The following MAN1B1 variants were observed in gnomAD, a reference collection of about 807,000 sequenced individuals.
MAN1B1 encodes endoplasmic reticulum mannosyl-oligosaccharide 1,2-alpha-mannosidase.
Under a neutral mutation model 75.5 loss-of-function variants are expected in MAN1B1, and 66 were observed. The observed-to-expected ratio is 0.87, with a 90% CI of 0.72 to 1.07. The LOEUF (loss-of-function observed/expected upper bound fraction) is 1.07, where lower values mean the gene tolerates loss of function less well. MAN1B1 is among the 50% of genes least tolerant of loss of function. The pLI is 0.00. For missense variants in MAN1B1, 973 were observed against 912.5 expected (o/e 1.07, Z -0.85); for synonymous variants, 453 against 382.8 (o/e 1.18, Z -2.14).
intron 6 of MAN1B1, among the ~76,000 whole-genome samples, chr9:137,100,202 G>A (rs535604630): frequency 6.6e-6 from 1 of 152,322 alleles, no homozygotes; most frequent in South Asian, 2.1e-4. Context: ...GGGCCCCGCT[G>A]GTCCCAGATC....
intron 12 of MAN1B1, 173 bp downstream of exon 12, chr9:137,107,835 C>T: frequency 1.2e-6 from 1 of 813,944 alleles, no homozygotes. Context: ...CCTGGCATCC[C>T]CATCCCCACT....
intron 5 of MAN1B1, among the ~76,000 whole-genome samples, chr9:137,099,081 C>T (rs1025166380): frequency 2.0e-5 from 3 of 152,138 alleles, no homozygotes; most frequent in Non-Finnish European, 2.9e-5. Flanking sequence ...CTGCCCACCT[C>T]GGCCTCCCAG....
chr9:137,093,769 G>A (rs1830581297), intron 3 of MAN1B1, among the ~76,000 whole-genome samples: 1 of 151,958 alleles, frequency 6.6e-6, no homozygotes, highest in Admixed American at 6.6e-5. Flanking sequence ...GGGAGGCGGA[G>A]GTTGCAGTGA....
intron 8 of MAN1B1, chr9:137,102,006 C>T (rs1284218943): frequency 2.0e-6 from 1 of 511,274 alleles, no homozygotes; most frequent in Admixed American, 2.3e-5. Flanking sequence ...GGTGGTGTTA[C>T]ACACATTCAT....
At chr9:137,088,234 G>A (rs1214321144) in intron 2 of MAN1B1, 51 bp downstream of exon 2, 2 of 1,613,794 alleles carry the variant, frequency 1.2e-6, no homozygotes, top group African/African-American at 1.3e-5. Context: ...AGGGTTGATT[G>A]GGCAGAAGCA....
intron 3 of MAN1B1, among the ~76,000 whole-genome samples, chr9:137,095,795 C>T (rs1830636680): frequency 6.6e-6 from 1 of 152,168 alleles, no homozygotes; most frequent in African/African-American, 2.4e-5. Flanking sequence ...CCGCATCACA[C>T]AGCAGGGGGC....
At chr9:137,100,675 A>G (rs557076853) in intron 6 of MAN1B1, among the ~76,000 whole-genome samples, 2 of 152,218 alleles carry the variant, frequency 1.3e-5, no homozygotes, top group African/African-American at 4.8e-5. Flanking sequence ...GCTGGAGTGC[A>G]GTGGCACGAT....
intron 3 of MAN1B1, 194 bp downstream of exon 3, chr9:137,089,199 C>A: frequency 1.4e-6 from 1 of 705,556 alleles, no homozygotes; most frequent in Non-Finnish European, 2.4e-6. Flanking sequence ...TGAAGACCAG[C>A]CATGGCCAGT....
At chr9:137,100,839 C>CT (rs1278784637) in intron 6 of MAN1B1, among the ~76,000 whole-genome samples, 166 bp from the exon 7 acceptor site, 6 of 152,308 alleles carry the variant, frequency 3.9e-5, no homozygotes, top group South Asian at 2.1e-4. Context: ...AGGCTGGTCT[C>CT]TAACTCCTGG....
intron 8 of MAN1B1, chr9:137,105,911 A>G: frequency 1.5e-6 from 1 of 688,900 alleles, no homozygotes; most frequent in South Asian, 1.5e-5. Flanking sequence ...GAGCAGTGAC[A>G]TTCAGGTGCG....
chr9:137,107,436 G>T lies in MAN1B1; in HGVS notation c.1753G>T (p.Val585Leu). The T allele has an allele frequency of 9.3e-6, 15 of 1,613,424 alleles. No individual in the cohort carries two copies. The highest frequency in any genetic ancestry group is 1.2e-5 in the Non-Finnish European group (14 of 1,179,986). Reference protein sequence around the residue: ...NLYPQPGRRDVEVKPADRHNL... With the variant: ...NLYPQPGRRDLEVKPADRHNL... Reference sequence around the variant, plus strand: ...TTACCCCCAGCCGGGCCGTCGGGACGTGGAGGTCAAGGTGGGCCTGGGCCT... The same window carrying T: ...TTACCCCCAGCCGGGCCGTCGGGACTTGGAGGTCAAGGTGGGCCTGGGCCT... The change falls in exon 11 of 13, where the codon GTG becomes TTG. Residue 585 changes from valine to leucine, a missense_variant. By Grantham distance (32) the Val-to-Leu change is conservative (BLOSUM62 1). Transcript: ENST00000371589.
At chr9:137,102,359 A>G (rs1433162322) in intron 8 of MAN1B1, 3 of 398,636 alleles carry the variant, frequency 7.5e-6, no homozygotes, top group African/African-American at 6.1e-5. Context: ...GTGGTGTTAC[A>G]TTCACGCTGT....
rs768977490 is a variant in MAN1B1, at chr9:137,107,461, TGGGTCA to T, written c.1764+20_1764+25del. On this transcript the variant is annotated intron_variant, in intron 11 of 12. Transcript: ENST00000371589. The stretch of plus-strand genomic sequence containing the variant: ...GTGGAGGTCAAGGTGGGCCTGGGCC[TGGGTCA>T]GGGTCCATCAGGAGGAGGGTGCTGG... The T allele has an allele frequency of 1.2e-6, 2 of 1,613,120 alleles. No individual in the cohort carries two copies. Among genetic ancestry groups the T allele is most frequent in the Non-Finnish European group, 1.7e-6 (2 of 1,179,962 alleles).
At chr9:137,092,704 A>G (rs112480499) in intron 3 of MAN1B1, among the ~76,000 whole-genome samples, 2 of 152,312 alleles carry the variant, frequency 1.3e-5, no homozygotes, top group African/African-American at 4.8e-5. Flanking sequence ...TTCCCCTGCT[A>G]CGGTGCTGAG....
intron 2 of MAN1B1, 32 bp from the exon 3 acceptor site, chr9:137,088,837 A>G: frequency 6.2e-7 from 1 of 1,612,964 alleles, no homozygotes; most frequent in South Asian, 1.1e-5. Flanking sequence ...GCCTTGTGGC[A>G]TATTTGAAAT....
At position 137,097,747 on chromosome 9, in the gene MAN1B1, C is replaced by T. The variant is rs146085017; in HGVS notation, c.621-81C>T. On this transcript the variant is annotated intron_variant, in intron 4 of 12. Transcript: ENST00000371589. ...TTTGGGTGCAGGGCTGTGCCTTGGCCGTGGGTATGGAGCGTGGGGGTGGGA... is the reference window on the plus strand; with the variant it reads ...TTTGGGTGCAGGGCTGTGCCTTGGCTGTGGGTATGGAGCGTGGGGGTGGGA... 9.6e-4 allele frequency: 1,056 copies of T among 1,100,506 alleles called. 1 individual carries two copies. Among genetic ancestry groups the T allele is most frequent in the South Asian group, 3.2e-3 (236 of 74,736 alleles). The allele number at this position is 1,100,506 out of a possible 1,614,324, so 68.2% of individuals were successfully genotyped here.
chr9:137,106,201 A>G lies in MAN1B1; in HGVS notation c.1331A>G (p.Asn444Ser), dbSNP rs973999451. 1.9e-5 allele frequency: 31 copies of G among 1,611,878 alleles called. No homozygotes were observed. The highest frequency in any genetic ancestry group is 2.5e-5 in the Non-Finnish European group (29 of 1,179,558). The change falls in exon 9 of 13, where the codon AAT becomes AGT. Residue 444 changes from asparagine (N) to serine (S), a missense_variant. Transcript: ENST00000371589. ...GATGGGCTGGTGCCCATGTTCATCA[A>G]TACCCACAGTGGCCTCTTCACCCAC... ...KKDGLVPMFI[N>S]THSGLFTHLG... is the part of the protein sequence containing the mutation.
At chr9:137,099,649 C>T in intron 5 of MAN1B1, 47 bp from the exon 6 acceptor site, 1 of 1,602,712 alleles carries the variant, frequency 6.2e-7, no homozygotes. Flanking sequence ...TCTGTGCCGA[C>T]GCCAGGACCA....
intron 5 of MAN1B1, among the ~76,000 whole-genome samples, chr9:137,098,842 CA>C (rs879818816): frequency 3.4e-4 from 49 of 145,760 alleles, no homozygotes; most frequent in African/African-American, 9.3e-4. Context: ...CCCATCTCTA[CA>C]AAAAAAAAAG....
Sources: allele counts gnomAD v4.1 joint callset (sites outside exome capture counted in the v4.1 genomes callset), GRCh38; gene constraint gnomAD v4.1.1; transcripts MANE v1.5; gene names NCBI Gene and HGNC (gene_info 2026-07-23, HGNC 2026-07-21).